HDAC9: variants seen among roughly 807,000 people sequenced by gnomAD.
The protein encoded by HDAC9 is histone deacetylase 9, also known as MEF-2 interacting transcription repressor (MITR) protein.
HDAC9 carries 41 observed loss-of-function variants against 139.4 expected under a neutral mutation model. The ratio of observed to expected loss-of-function variants is 0.29; its 90% CI spans 0.23 to 0.38. HDAC9 has a LOEUF of 0.38. Ranked by LOEUF, HDAC9 falls within the 10% of genes least tolerant of loss-of-function variation. The pLI is 1.00. For synonymous variants in HDAC9, 517 were observed against 476.2 expected (o/e 1.09, Z -1.12); for missense variants, 1,147 against 1,297.0 (o/e 0.88, Z 1.78).
At chr7:18,389,022 C>T (rs1158463382) in intron 1 of HDAC9, among the ~76,000 whole-genome samples, 1 of 152,114 alleles carries the variant, frequency 6.6e-6, no homozygotes, top group East Asian at 1.9e-4. Context: ...CCTCTTGAAC[C>T]CTCTTGTTCG....
At chr7:18,301,525 A>G (rs543243046) in intron 1 of HDAC9, among the ~76,000 whole-genome samples, 2 of 152,210 alleles carry the variant, frequency 1.3e-5, no homozygotes, top group Non-Finnish European at 2.9e-5. Context: ...GGGATAGTAG[A>G]TAGCATAATA....
chr7:18,728,735 T>G (rs1006568906), intron 13 of HDAC9, among the ~76,000 whole-genome samples: 1 of 152,210 alleles, frequency 6.6e-6, no homozygotes, highest in Non-Finnish European at 1.5e-5. Flanking sequence ...CCTTCGTGCT[T>G]GGAAAAGTTA....
chr7:18,925,921 C>T (rs1554403803), intron 22 of HDAC9, among the ~76,000 whole-genome samples: 1 of 103,656 alleles, frequency 9.6e-6, no homozygotes, highest in Admixed American at 1.2e-4. Context: ...CTTTACTTTT[C>T]CTCAAAAAAT....
intron 1 of HDAC9, among the ~76,000 whole-genome samples, chr7:18,469,758 C>T (rs1286820621): frequency 2.6e-5 from 4 of 152,114 alleles, no homozygotes; most frequent in Admixed American, 1.3e-4. Context: ...CAATTCCTTC[C>T]TGCATGTAGC....
At chr7:18,604,299 TA>T (rs893858911) in intron 6 of HDAC9, among the ~76,000 whole-genome samples, 10 of 152,278 alleles carry the variant, frequency 6.6e-5, no homozygotes, top group Admixed American at 3.3e-4. Context: ...CTGTTCCATT[TA>T]AAAAAATTGT....
intron 25 of HDAC9, among the ~76,000 whole-genome samples, chr7:18,994,005 A>G (rs537295332): frequency 2.1e-4 from 32 of 152,326 alleles, no homozygotes; most frequent in African/African-American, 7.5e-4. Context: ...CCCTGTTTCA[A>G]CCAAAGAGGC....
At chr7:18,949,176 A>C in intron 23 of HDAC9, 1 of 257,746 alleles carries the variant, frequency 3.9e-6, no homozygotes, top group Non-Finnish European at 7.6e-6. Flanking sequence ...TTTTTGTGCA[A>C]TTTTGGCTGG....
At chr7:18,300,606 G>A (rs1798475652) in intron 1 of HDAC9, among the ~76,000 whole-genome samples, 1 of 151,752 alleles carries the variant, frequency 6.6e-6, no homozygotes, top group South Asian at 2.1e-4. Flanking sequence ...TACAAGAACA[G>A]ATTGACTTAG....
chr7:18,932,755 G>T (rs972808866), intron 22 of HDAC9, among the ~76,000 whole-genome samples: 19 of 150,870 alleles, frequency 1.3e-4, no homozygotes, highest in African/African-American at 4.4e-4. Context: ...CCGAAAGAAA[G>T]TTTCAGAGAA....
intron 1 of HDAC9, among the ~76,000 whole-genome samples, chr7:18,348,657 A>G (rs954689695): frequency 3.9e-5 from 6 of 152,186 alleles, no homozygotes; most frequent in African/African-American, 1.4e-4. Flanking sequence ...ATTTAGAGGT[A>G]AAGAATCCTT....
chr7:18,699,425 A>G (rs1783298914), intron 12 of HDAC9, among the ~76,000 whole-genome samples: 1 of 152,094 alleles, frequency 6.6e-6, no homozygotes. Flanking sequence ...GAAATAATGT[A>G]GAATACTAGC....
rs1325538986 is a variant in HDAC9, at chr7:18,226,257, T to C, written c.25+63908T>C. Among the ~76,000 whole-genome samples, 6 of 152,260 alleles carry C rather than the reference T, an allele frequency of 3.9e-5. No individual in the cohort carries two copies. In the East Asian group the frequency reaches 1.2e-3, roughly 29 times the overall value. On this transcript the variant is annotated intron_variant, in intron 2 of 12. Transcript: ENST00000417496. Reference sequence around the variant, plus strand: ...TTCTTGTCTCAAGGAGCAAATAATCTTTCTAATATTAAACCCCAGAATCAG... The same window carrying C: ...TTCTTGTCTCAAGGAGCAAATAATCCTTCTAATATTAAACCCCAGAATCAG...
chr7:18,725,061 G>T (rs975045771), intron 12 of HDAC9, among the ~76,000 whole-genome samples: 6 of 152,130 alleles, frequency 3.9e-5, no homozygotes, highest in Non-Finnish European at 8.8e-5. Flanking sequence ...AGAAAGGATG[G>T]CTTGGAAGAA....
chr7:18,986,641 A>T (rs1776682673), intron 25 of HDAC9, among the ~76,000 whole-genome samples: 1 of 151,582 alleles, frequency 6.6e-6, no homozygotes, highest in African/African-American at 2.4e-5. Context: ...GATGGCATTG[A>T]ATCTGTAAAT....
At chr7:18,933,676 A>G (rs1356333485) in intron 22 of HDAC9, among the ~76,000 whole-genome samples, 1 of 152,156 alleles carries the variant, frequency 6.6e-6, no homozygotes, top group Non-Finnish European at 1.5e-5. Flanking sequence ...GGCAGCATGA[A>G]CATGAATCAG....
chr7:18,826,314 G>A (rs538799295), intron 17 of HDAC9, among the ~76,000 whole-genome samples: 151 of 152,312 alleles, frequency 9.9e-4, no homozygotes, highest in Non-Finnish European at 1.9e-3. Flanking sequence ...TGTGAGGTAT[G>A]AGAGAGGAAA....
chr7:18,095,768 T>G (rs1782465094), intron 1 of HDAC9, among the ~76,000 whole-genome samples: 1 of 152,228 alleles, frequency 6.6e-6, no homozygotes, highest in Non-Finnish European at 1.5e-5. Context: ...ACAGAATTGA[T>G]GAAATTAAAA....
rs143356196 is a variant in HDAC9, at chr7:18,408,108, A to G, written c.-41-88154A>G. ...TATACTTGGCGCAAAGTTGGTACTC[A>G]ATAAGTGTTAATACTTATTAGTATG... On this transcript the variant is annotated intron_variant, in intron 1 of 3. Coordinates refer to the HDAC9 transcript ENST00000413509. Among the ~76,000 whole-genome samples, 1,025 of 152,296 alleles carry G rather than the reference A, an allele frequency of 6.7e-3. 11 individuals carry two copies. Among genetic ancestry groups the G allele is most frequent in the Admixed American group, 0.01 (155 of 15,296 alleles).
chr7:18,539,054 T>C (rs1811852248), intron 2 of HDAC9, among the ~76,000 whole-genome samples: 2 of 152,148 alleles, frequency 1.3e-5, no homozygotes, highest in African/African-American at 4.8e-5. Flanking sequence ...TATCTCATCT[T>C]AATTACCTCC....
Sources: gnomAD v4.1 joint callset for allele counts (sites outside exome capture counted in the v4.1 genomes callset) on GRCh38, gnomAD v4.1.1 for gene constraint, MANE v1.5 for transcripts, NCBI Gene and HGNC (gene_info 2026-07-23, HGNC 2026-07-21) for gene names.